The following CPLX2 variants were observed in gnomAD, a reference collection of about 807,000 sequenced individuals.
The protein encoded by CPLX2 is complexin 2.
Under a neutral mutation model 16.3 loss-of-function variants are expected in CPLX2, and 5 were observed. The ratio of observed to expected loss-of-function variants is 0.31; its 90% CI spans 0.16 to 0.64. The LOEUF is 0.64. CPLX2 is among the 30% of genes least tolerant of loss of function. The pLI is 0.79. For missense variants in CPLX2, 144 were observed against 181.4 expected, an observed-to-expected ratio of 0.79 and a Z score of 1.18; for synonymous variants, 89 against 73.2, an observed-to-expected ratio of 1.22 and a Z score of -1.10.
In CPLX2 at chr5:175,880,974, G is replaced by A. The variant is rs558110753; in HGVS notation, c.*929G>A. On this transcript the variant is annotated 3_prime_UTR_variant, in exon 4 of 4. Transcript: ENST00000393745. The stretch of plus-strand genomic sequence containing the variant: ...GCTTCCAGGGCCCCACGGTCCCCAG[G>A]AGGACGCTTCCTGGCCAAAGCCCCA... The A allele has an allele frequency of 6.5e-6, 1 of 152,866 alleles. No homozygotes were observed. The highest frequency in any genetic ancestry group is 2.1e-4 in the South Asian group (1 of 4,830). The allele number at this position is 152,866 out of a possible 1,614,324, so 9.5% of individuals were successfully genotyped here.
At chr5:175,871,438 A>AGAGAGAGAGAGAGAGAGAGG, upstream of CPLX2, 1 of 53,752 alleles carries the variant, frequency 1.9e-5, no homozygotes, top group Non-Finnish European at 4.7e-5. Context: ...AGAGACAGAG[A>AGAGAGAGAGAGAGAGAGAGG]GAGAGAGAGA....
At chr5:175,799,997 CA>C (rs1389885949) in intron 1 of CPLX2, among the ~76,000 whole-genome samples, 1 of 152,130 alleles carries the variant, frequency 6.6e-6, no homozygotes, top group Non-Finnish European at 1.5e-5. Flanking sequence ...TTTTCTTAAC[CA>C]GATGCATATG....
At chr5:175,869,072 A>G (rs1346749832), upstream of CPLX2, among the ~76,000 whole-genome samples, 1 of 152,234 alleles carries the variant, frequency 6.6e-6, no homozygotes, top group Non-Finnish European at 1.5e-5. Flanking sequence ...TATGATATTC[A>G]GCAACTTTTT....
rs1333464957 is a variant in CPLX2 at position 175,878,895 on chromosome 5, C to T, written c.32-13C>T. ...GCTGACCCCGCCCTCTCCTTCCCAC[C>T]CCTTCCTCGTAGGGGCCACAAAGGA... On this transcript the variant is annotated splice_polypyrimidine_tract_variant and intron_variant, in intron 2 of 3. Transcript: ENST00000393745. 6.2e-7 allele frequency: 1 copy of T among 1,612,036 alleles called. No homozygotes were observed. Among genetic ancestry groups the T allele is most frequent in the Admixed American group, 1.7e-5 (1 of 59,862 alleles).
In CPLX2 at chr5:175,866,251, T is replaced by C. The variant is rs76006330; in HGVS notation, c.-88-12401T>C. On this transcript the variant is annotated intron_variant, in intron 2 of 4. Coordinates refer to the CPLX2 transcript ENST00000359546. Reference sequence around the variant, plus strand: ...CTTGGCTGGGGTCATTGGCTAGCTCTAGGGAGAGGCCATCAGAGAAGAGTT... The same window carrying C: ...CTTGGCTGGGGTCATTGGCTAGCTCCAGGGAGAGGCCATCAGAGAAGAGTT... 6.0e-4 allele frequency among the ~76,000 whole-genome samples: 92 copies of C among 152,300 alleles called. 1 individual carries two copies. The East Asian group carries it at 0.011, about 19-fold the overall frequency.
At chr5:175,871,456 A>AGAGAGG (rs1561790431), upstream of CPLX2, 7 of 122,758 alleles carry the variant, frequency 5.7e-5, no homozygotes, top group East Asian at 2.5e-4. Flanking sequence ...AGAGAGAGAG[A>AGAGAGG]GAGAGAGAGA....
At chr5:175,877,238 T>C (rs868251397) in intron 1 of CPLX2, among the ~76,000 whole-genome samples, 580 of 144,846 alleles carry the variant, frequency 4.0e-3, no homozygotes, top group South Asian at 0.013. Context: ...TTTTTTTTTT[T>C]CCTACACATC....
At chr5:175,863,188 G>A (rs1018541557) in intron 2 of CPLX2, among the ~76,000 whole-genome samples, 4 of 152,276 alleles carry the variant, frequency 2.6e-5, no homozygotes, top group Middle Eastern at 3.4e-3. Flanking sequence ...CTACAGCTCC[G>A]TCACTTTTGG....
intron 2 of CPLX2, among the ~76,000 whole-genome samples, chr5:175,817,241 G>A (rs1758424851): frequency 6.6e-6 from 1 of 152,256 alleles, no homozygotes; most frequent in African/African-American, 2.4e-5. Flanking sequence ...GAGCCAGAAA[G>A]ATCTGGGTTC....
chr5:175,847,244 T>C (rs1382009256), intron 2 of CPLX2, among the ~76,000 whole-genome samples: 1 of 152,102 alleles, frequency 6.6e-6, no homozygotes, highest in East Asian at 1.9e-4. Flanking sequence ...CAGGTTGAGT[T>C]GGAGGAGCCG....
chr5:175,825,937 C>CAAAAAAAAAAAA (rs35250246), intron 2 of CPLX2, among the ~76,000 whole-genome samples: 2 of 44,420 alleles, frequency 4.5e-5, no homozygotes, highest in African/African-American at 9.7e-5. Flanking sequence ...TGAATAAGTG[C>CAAAAAAAAAAAA]AAAAAAAAAA....
intron 1 of CPLX2, among the ~76,000 whole-genome samples, chr5:175,808,467 G>A (rs1758253730): frequency 1.3e-5 from 2 of 151,818 alleles, no homozygotes; most frequent in Non-Finnish European, 2.9e-5. Flanking sequence ...AGGAGCTATA[G>A]TGTAAAAAAA....
At chr5:175,877,395 C>T (rs1755411858) in intron 1 of CPLX2, among the ~76,000 whole-genome samples, 1 of 152,228 alleles carries the variant, frequency 6.6e-6, no homozygotes, top group African/African-American at 2.4e-5. Context: ...CAAAGAACAA[C>T]CAGTGACCCT....
chr5:175,852,205 A>C, intron 2 of CPLX2, among the ~76,000 whole-genome samples: 1 of 152,250 alleles, frequency 6.6e-6, no homozygotes, highest in Admixed American at 6.5e-5. Flanking sequence ...GTGGTTACGA[A>C]TAATAAAAAT....
At chr5:175,839,666 A>C (rs576191023) in intron 2 of CPLX2, among the ~76,000 whole-genome samples, 50 of 152,224 alleles carry the variant, frequency 3.3e-4, no homozygotes, top group Non-Finnish European at 5.9e-5. Context: ...GGGAATGTAC[A>C]ACATACAAGG....
chr5:175,873,372 C>A (rs1372405647), intron 1 of CPLX2, among the ~76,000 whole-genome samples: 1 of 151,926 alleles, frequency 6.6e-6, no homozygotes, highest in Non-Finnish European at 1.5e-5. Flanking sequence ...CTCGTTGACA[C>A]GTTAAATTCA....
At chr5:175,811,398 G>A (rs1299494071) in intron 2 of CPLX2, among the ~76,000 whole-genome samples, 1 of 152,172 alleles carries the variant, frequency 6.6e-6, no homozygotes, top group Non-Finnish European at 1.5e-5. Context: ...TCTGGAATCT[G>A]GGTTCAAAAC....
chr5:175,831,338 C>T (rs1222994047), intron 2 of CPLX2, among the ~76,000 whole-genome samples: 7 of 152,146 alleles, frequency 4.6e-5, no homozygotes, highest in African/African-American at 1.7e-4. Flanking sequence ...AAGGGACTTG[C>T]TCAAGGCCAG....
Position 175,878,782 on chromosome 5 carries a change from C to T in CPLX2, c.31+12C>T. ...GCAGGCCCTTGGAGGTGAGGTCCAGCGCCCCTCCGCGTGTCCTCAGCCGGT... is the reference window on the plus strand; with the variant it reads ...GCAGGCCCTTGGAGGTGAGGTCCAGTGCCCCTCCGCGTGTCCTCAGCCGGT... On this transcript the variant is annotated intron_variant, in intron 2 of 3. Transcript: ENST00000393745. The T allele has an allele frequency of 1.2e-6, 2 of 1,612,734 alleles. No homozygotes were observed. Among genetic ancestry groups the T allele is most frequent in the Non-Finnish European group, 1.7e-6 (2 of 1,179,640 alleles).
Sources: allele counts gnomAD v4.1 joint callset (sites outside exome capture counted in the v4.1 genomes callset), GRCh38; gene constraint gnomAD v4.1.1; transcripts MANE v1.5; gene names NCBI Gene and HGNC (gene_info 2026-07-23, HGNC 2026-07-21).